PDE7B: variants seen among roughly 807,000 people sequenced by gnomAD.
PDE7B encodes phosphodiesterase 7B.
A neutral mutation model predicts 56.2 loss-of-function variants in PDE7B; 29 were observed. The observed-to-expected ratio is 0.52, with a 90% CI of 0.38 to 0.70. PDE7B has a LOEUF of 0.70. Among genes scored for constraint, PDE7B ranks in the 30% least tolerant of loss-of-function variants. PDE7B has a pLI of 0.00. For missense variants in PDE7B, 490 were observed against 565.0 expected, an observed-to-expected ratio of 0.87 and a Z score of 1.35; for synonymous variants, 197 against 196.9, an observed-to-expected ratio of 1.00 and a Z score of 0.00.
At chr6:135,960,553 T>C (rs1774881892) in intron 2 of PDE7B, among the ~76,000 whole-genome samples, 1 of 152,226 alleles carries the variant, frequency 6.6e-6, no homozygotes, top group South Asian at 2.1e-4. Context: ...TCTCCTGCTA[T>C]TCATTTATTT....
At chr6:135,995,140 C>T (rs1429890445) in intron 2 of PDE7B, among the ~76,000 whole-genome samples, 4 of 152,172 alleles carry the variant, frequency 2.6e-5, no homozygotes, top group Admixed American at 1.3e-4. Context: ...GGCCTTTGGT[C>T]ACACAAATCC....
intron 2 of PDE7B, among the ~76,000 whole-genome samples, chr6:136,009,099 C>A (rs1195562330): frequency 0.011 from 1,628 of 150,948 alleles, 30 homozygotes; most frequent in African/African-American, 0.037. Context: ...GGAATCCTTT[C>A]CCCAGTTCTT....
intron 1 of PDE7B, among the ~76,000 whole-genome samples, chr6:135,867,553 A>G (rs909497160): frequency 2.0e-5 from 3 of 152,116 alleles, no homozygotes; most frequent in Non-Finnish European, 4.4e-5. Flanking sequence ...ACTACCCATT[A>G]GTTATTTTCC....
chr6:135,950,824 C>T (rs552116680), intron 2 of PDE7B, among the ~76,000 whole-genome samples: 5 of 152,286 alleles, frequency 3.3e-5, no homozygotes, highest in South Asian at 4.1e-4. Flanking sequence ...GTCTACCTCA[C>T]GACTTCCATG....
intron 1 of PDE7B, among the ~76,000 whole-genome samples, chr6:135,871,223 T>A (rs9376160): frequency 0.038 from 5,800 of 152,318 alleles, 182 homozygotes; most frequent in East Asian, 0.12. Flanking sequence ...TTATATATTT[T>A]ACTTTACATG....
At chr6:136,084,968 T>A (rs527654160) in intron 2 of PDE7B, among the ~76,000 whole-genome samples, 1 of 152,140 alleles carries the variant, frequency 6.6e-6, no homozygotes, top group East Asian at 1.9e-4. Flanking sequence ...CCTCCACCTA[T>A]CCCCTTCACC....
At chr6:136,171,694 A>T (rs1221586813) in intron 8 of PDE7B, among the ~76,000 whole-genome samples, 1 of 151,510 alleles carries the variant, frequency 6.6e-6, no homozygotes. Flanking sequence ...TGTGCAGGTT[A>T]GTTACATATG....
intron 2 of PDE7B, chr6:136,034,583 A>C (rs978469270): frequency 1.3e-5 from 2 of 152,274 alleles, no homozygotes; most frequent in African/African-American, 2.4e-5. Context: ...ACCTTTGTCC[A>C]GCCAAAACCA....
chr6:135,942,200 T>C (rs559848298), intron 1 of PDE7B, among the ~76,000 whole-genome samples: 1 of 152,170 alleles, frequency 6.6e-6, no homozygotes, highest in Non-Finnish European at 1.5e-5. Flanking sequence ...AATTTTTTTA[T>C]AACTAAACGT....
intron 2 of PDE7B, among the ~76,000 whole-genome samples, chr6:136,062,495 C>T (rs1776861375): frequency 6.6e-6 from 1 of 152,130 alleles, no homozygotes; most frequent in African/African-American, 2.4e-5. Context: ...TTATTATTAA[C>T]TATAGCCACC....
chr6:135,955,957 T>C (rs1774785418), intron 2 of PDE7B, among the ~76,000 whole-genome samples: 1 of 152,124 alleles, frequency 6.6e-6, no homozygotes, highest in Admixed American at 6.5e-5. Context: ...CAAGGAACTT[T>C]CCACTGCAGC....
chr6:135,947,531 A>T lies in PDE7B; in HGVS notation c.82+7A>T, dbSNP rs1774615139. On this transcript the variant is annotated splice_region_variant and intron_variant, in intron 2 of 12. Coordinates refer to ENST00000308191, the MANE Select transcript of PDE7B (RefSeq NM_018945.4). ...AAATGTGTTTGCATGCTGGGTAAGA[A>T]GGCTTCTCATTTTAAATATATTAAG... 6.2e-7 allele frequency: 1 copy of T among 1,603,204 alleles called. No homozygotes were observed. The highest frequency in any genetic ancestry group is 1.7e-4 in the Middle Eastern group (1 of 6,036).
chr6:136,183,709 G>A (rs1731864935), intron 11 of PDE7B, among the ~76,000 whole-genome samples: 1 of 151,556 alleles, frequency 6.6e-6, no homozygotes, highest in Non-Finnish European at 1.5e-5. Context: ...GATGACTTGT[G>A]TCATTTTGAT....
intron 1 of PDE7B, among the ~76,000 whole-genome samples, chr6:135,939,274 C>T (rs1466452612): frequency 6.6e-6 from 1 of 151,798 alleles, no homozygotes; most frequent in Non-Finnish European, 1.5e-5. Context: ...CTGCTCAGCT[C>T]GAGGTGATTA....
chr6:136,035,798 A>G (rs1776317324), intron 2 of PDE7B, among the ~76,000 whole-genome samples: 1 of 152,242 alleles, frequency 6.6e-6, no homozygotes, highest in South Asian at 2.1e-4. Context: ...TACAATGGAA[A>G]TGTATATCCT....
At chr6:135,859,104 T>C (rs1372556693) in intron 1 of PDE7B, among the ~76,000 whole-genome samples, 1 of 151,794 alleles carries the variant, frequency 6.6e-6, no homozygotes, top group Non-Finnish European at 1.5e-5. Context: ...ATTATGCCAC[T>C]TGCCAGCTGG....
chr6:136,006,085 C>G (rs546204789), intron 2 of PDE7B, among the ~76,000 whole-genome samples: 1 of 151,220 alleles, frequency 6.6e-6, no homozygotes, highest in East Asian at 2.0e-4. Context: ...AATCATCATT[C>G]TCAGTAAACT....
chr6:135,901,962 T>A (rs1776009094), intron 1 of PDE7B, among the ~76,000 whole-genome samples: 1 of 152,130 alleles, frequency 6.6e-6, no homozygotes, highest in South Asian at 2.1e-4. Flanking sequence ...CCTGAATCTC[T>A]AAGTTTCAGC....
chr6:135,909,114 T>C (rs1002509300), intron 1 of PDE7B, among the ~76,000 whole-genome samples: 1 of 152,172 alleles, frequency 6.6e-6, no homozygotes, highest in Non-Finnish European at 1.5e-5. Context: ...AATGACTTTG[T>C]GTTTTGAATT....
Sources: allele counts gnomAD v4.1 joint callset (sites outside exome capture counted in the v4.1 genomes callset), GRCh38; gene constraint gnomAD v4.1.1; transcripts MANE v1.5; gene names NCBI Gene and HGNC (gene_info 2026-07-23, HGNC 2026-07-21).